ZFAT: variants seen among roughly 807,000 people sequenced by gnomAD.
ZFAT encodes the protein zinc finger protein ZFAT.
ZFAT carries 64 observed loss-of-function variants against 117.7 expected under a neutral mutation model. The observed-to-expected ratio is 0.54, with a 90% confidence interval of 0.44 to 0.67. ZFAT has a LOEUF of 0.67. Ranked by LOEUF, ZFAT falls within the 30% of genes least tolerant of loss-of-function variation. The pLI is 0.00. For synonymous variants in ZFAT, 679 were observed against 615.0 expected (o/e 1.10, Z -1.54); for missense variants, 1,433 against 1,584.5 (o/e 0.90, Z 1.62).
chr8:134,753,852 A>T, the ZFAT span, among the ~76,000 whole-genome samples: 1 of 152,272 alleles, frequency 6.6e-6, no homozygotes, highest in Non-Finnish European at 1.5e-5. Context: ...ACGGTGGCGT[A>T]ATTATGTGCC....
At chr8:134,790,946 T>C in the ZFAT span, among the ~76,000 whole-genome samples, 1 of 152,116 alleles carries the variant, frequency 6.6e-6, no homozygotes, top group Admixed American at 6.6e-5. Context: ...GCCCAGGAAA[T>C]TGAGGCTGCA....
intron 1 of ZFAT, among the ~76,000 whole-genome samples, chr8:134,667,430 T>C (rs200080906): frequency 6.9e-6 from 1 of 145,146 alleles, no homozygotes; most frequent in Non-Finnish European, 1.5e-5. Flanking sequence ...GAGGTGGAGG[T>C]TGCAGTGAGC....
chr8:134,603,304 C>A (rs977964718), intron 5 of ZFAT, among the ~76,000 whole-genome samples: 1 of 151,920 alleles, frequency 6.6e-6, no homozygotes, highest in Non-Finnish European at 1.5e-5. Context: ...AAGAGGGAGG[C>A]AAGAGAAGGA....
At chr8:134,499,642 G>A (rs555162468) in intron 15 of ZFAT, among the ~76,000 whole-genome samples, 38 of 152,018 alleles carry the variant, frequency 2.5e-4, no homozygotes, top group African/African-American at 8.9e-4. Context: ...TGATGCCCCC[G>A]TTGCTGGTTA....
intron 1 of ZFAT, among the ~76,000 whole-genome samples, chr8:134,711,970 G>C (rs1343286616): frequency 6.6e-6 from 1 of 152,208 alleles, no homozygotes; most frequent in Non-Finnish European, 1.5e-5. Context: ...GCTGTGCGGG[G>C]CATCTCCAAA....
intron 10 of ZFAT, among the ~76,000 whole-genome samples, chr8:134,578,851 T>C (rs1244188186): frequency 6.6e-6 from 1 of 152,216 alleles, no homozygotes; most frequent in Non-Finnish European, 1.5e-5. Context: ...CCAATGCTTT[T>C]GACTTGAGCA....
At position 134,706,878 on chromosome 8, in the gene ZFAT, CA is replaced by C. The variant is rs778702954; in HGVS notation, c.19+5966del. ...GCATTTCAGCATGTATATAGTACGCCAAAAAAAAAAAAAAGAAAGAAAGAAA... is the reference window on the plus strand; with the variant it reads ...GCATTTCAGCATGTATATAGTACGCCAAAAAAAAAAAAAGAAAGAAAGAAA... On this transcript the variant is annotated intron_variant, in intron 1 of 15. Coordinates refer to ENST00000377838, the MANE Select transcript of ZFAT (RefSeq NM_020863.4). Among the ~76,000 whole-genome samples, 781 of 124,848 alleles carry C rather than the reference CA, an allele frequency of 6.3e-3. 1 individual carries two copies. The highest frequency in any genetic ancestry group is 0.019 in the East Asian group (83 of 4,480). The allele number at this position is 124,848 out of a possible 152,430, so 81.9% of individuals were successfully genotyped here.
the ZFAT span, among the ~76,000 whole-genome samples, chr8:134,804,259 A>T: frequency 2.0e-5 from 3 of 152,198 alleles, no homozygotes; most frequent in Non-Finnish European, 4.4e-5. Context: ...ACTTAGGAAA[A>T]ATATTAATAT....
At position 134,556,031 on chromosome 8, in the gene ZFAT, AGAAGGAAG is replaced by A. The variant is rs767538738; in HGVS notation, c.2976+9294_2976+9301del. On this transcript the variant is annotated intron_variant, in intron 11 of 15. Transcript: ENST00000377838. ...AGGTGGGAGGGAAGGAGGGAGGGAG[AGAAGGAAG>A]GAAGGAAGGAAGGAAGGAAGGAAGG... 6.3e-3 allele frequency among the ~76,000 whole-genome samples: 382 copies of A among 60,362 alleles called. 2 individuals carry two copies. Among genetic ancestry groups the A allele is most frequent in the African/African-American group, 0.023 (317 of 13,998 alleles). The allele number at this position is 60,362 out of a possible 152,430, so 39.6% of individuals were successfully genotyped here.
chr8:134,688,555 A>C (rs541669132), intron 1 of ZFAT, among the ~76,000 whole-genome samples: 6 of 152,208 alleles, frequency 3.9e-5, no homozygotes, highest in Non-Finnish European at 7.3e-5. Context: ...AAGGTGGAGG[A>C]AACAAAAGGA....
chr8:134,504,478 T>C (rs1053654758), intron 15 of ZFAT, among the ~76,000 whole-genome samples: 3 of 152,070 alleles, frequency 2.0e-5, no homozygotes, highest in Non-Finnish European at 2.9e-5. Context: ...GCTGGCTCGG[T>C]GAACCCAGGA....
At position 134,638,549 on chromosome 8, in the gene ZFAT, C is replaced by CAAAAAAAA. The variant is rs758050176; in HGVS notation, c.197-845_197-838dup. Among the ~76,000 whole-genome samples the CAAAAAAAA allele has an allele frequency of 1.3e-3, 133 of 101,078 alleles. 12 individuals carry two copies. The highest frequency in any genetic ancestry group is 3.7e-3 in the African/African-American group (100 of 26,824). The allele number at this position is 101,078 out of a possible 152,430, so 66.3% of individuals were successfully genotyped here. A position where few individuals can be genotyped will look rare whatever the true frequency, so the allele number is the denominator to read the frequency against. On this transcript the variant is annotated intron_variant, in intron 2 of 15. Coordinates refer to ENST00000377838, the MANE Select transcript of ZFAT (RefSeq NM_020863.4). ...TGAAACTCTGTCTCTACTAAAAATA[C>CAAAAAAAA]AAAAAAAAAACAAAACAAAAAAAAA...
intron 10 of ZFAT, among the ~76,000 whole-genome samples, chr8:134,583,183 G>A (rs72719768): frequency 0.16 from 24,958 of 151,670 alleles, 2,205 homozygotes; most frequent in Admixed American, 0.25. Flanking sequence ...TACCTTTACC[G>A]TGGCCTGCCT....
intron 12 of ZFAT, among the ~76,000 whole-genome samples, chr8:134,522,478 A>T (rs1820736834): frequency 6.6e-6 from 1 of 152,086 alleles, no homozygotes. Context: ...TTTCACTATC[A>T]TTATTCTTCA....
intron 1 of ZFAT, among the ~76,000 whole-genome samples, chr8:134,683,775 G>C (rs1833183036): frequency 6.6e-6 from 1 of 152,082 alleles, no homozygotes; most frequent in Non-Finnish European, 1.5e-5. Flanking sequence ...CTGGAGGTCT[G>C]GAGACAGGGG....
At chr8:134,706,342 A>C (rs991351820) in intron 1 of ZFAT, among the ~76,000 whole-genome samples, 2 of 152,236 alleles carry the variant, frequency 1.3e-5, no homozygotes, top group African/African-American at 4.8e-5. Context: ...AACCAGACAC[A>C]AAAGAATTAT....
intron 1 of ZFAT, among the ~76,000 whole-genome samples, chr8:134,695,997 T>A (rs1479449169): frequency 6.9e-6 from 1 of 145,790 alleles, no homozygotes; most frequent in Non-Finnish European, 1.5e-5. Context: ...CTCTAACGAA[T>A]AAGGTGCCAC....
chr8:134,827,526 G>A, the ZFAT span, among the ~76,000 whole-genome samples: 3 of 152,022 alleles, frequency 2.0e-5, no homozygotes, highest in Non-Finnish European at 4.4e-5. Context: ...CCAGCACTTT[G>A]GGGGGCCCAG....
intron 1 of ZFAT, among the ~76,000 whole-genome samples, chr8:134,692,238 A>G (rs571383005): frequency 6.7e-4 from 102 of 152,348 alleles, no homozygotes; most frequent in East Asian, 1.9e-4. Flanking sequence ...TCCAATCCCC[A>G]GCAGAGGAGA....
Sources: allele counts gnomAD v4.1 joint callset (sites outside exome capture counted in the v4.1 genomes callset), GRCh38; gene constraint gnomAD v4.1.1; transcripts MANE v1.5; gene names NCBI Gene and HGNC (gene_info 2026-07-23, HGNC 2026-07-21).